The following ANAPC1 variants were observed in gnomAD, a reference collection of about 807,000 sequenced individuals.
ANAPC1 encodes anaphase-promoting complex subunit 1.
A neutral mutation model predicts 208.0 loss-of-function variants in ANAPC1; 36 were observed. The observed-to-expected ratio is 0.17, with a 90% CI of 0.13 to 0.23. The LOEUF (loss-of-function observed/expected upper bound fraction) is 0.23. Ranked by LOEUF, ANAPC1 falls within the 10% of genes least tolerant of loss-of-function variation. ANAPC1 has a pLI of 1.00. For missense variants in ANAPC1, 942 were observed against 2,011.6 expected (o/e 0.47, Z 10.17); for synonymous variants, 378 against 695.2 (o/e 0.54, Z 7.18).
At chr2:111,836,681 T>C (rs1388709085) in intron 18 of ANAPC1, among the ~76,000 whole-genome samples, 1 of 151,464 alleles carries the variant, frequency 6.6e-6, no homozygotes, top group Non-Finnish European at 1.5e-5. Flanking sequence ...AAAATGTATG[T>C]CCACGGGCCC....
intron 28 of ANAPC1, among the ~76,000 whole-genome samples, chr2:111,810,820 T>C (rs1418491422): frequency 3.7e-5 from 5 of 136,248 alleles, no homozygotes; most frequent in African/African-American, 1.4e-4. Flanking sequence ...GAGGTAGAGG[T>C]TGCAGTGAGA....
Position 111,864,893 on chromosome 2 carries a change from G to A in ANAPC1, c.744C>T (p.Phe248=), listed in dbSNP as rs774090073. The part of the protein sequence containing the change: ...YVVDHAMKIV[F]LNTDPSIVMT... The stretch of plus-strand genomic sequence containing the variant: ...TTACAATAGAGGGGTCAGTATTGAG[G>A]AAAACAATTTTCATTGCATGATCTA... Residue 248 remains phenylalanine, a synonymous_variant, in exon 8 of 48, where the codon TTC becomes TTT. Coordinates refer to ENST00000341068, the MANE Select transcript of ANAPC1 (RefSeq NM_022662.4). 4 of 1,611,560 alleles carry A rather than the reference G, an allele frequency of 2.5e-6. No individual in the cohort carries two copies. Among genetic ancestry groups the A allele is most frequent in the Middle Eastern group, 2.3e-4 (1 of 4,430 alleles).
intron 24 of ANAPC1, among the ~76,000 whole-genome samples, chr2:111,823,851 T>C (rs1240962790): frequency 6.6e-6 from 1 of 150,814 alleles, no homozygotes; most frequent in East Asian, 1.9e-4. Context: ...CAAGAACAGA[T>C]ATGTAAGGGC....
chr2:111,779,669 G>C (rs1018965836), intron 44 of ANAPC1: 1 of 139,410 alleles, frequency 7.2e-6, no homozygotes, highest in Non-Finnish European at 1.6e-5. Flanking sequence ...AGACTCCATC[G>C]CTACAAAAAA....
intron 47 of ANAPC1, among the ~76,000 whole-genome samples, chr2:111,770,604 T>G (rs569653369): frequency 6.7e-6 from 1 of 149,446 alleles, no homozygotes; most frequent in Non-Finnish European, 1.5e-5. Context: ...TCTCTTGTAC[T>G]CTTCTCTGTA....
chr2:111,799,256 T>C (rs1200716170), intron 34 of ANAPC1, among the ~76,000 whole-genome samples: 1 of 151,858 alleles, frequency 6.6e-6, no homozygotes, highest in South Asian at 2.1e-4. Context: ...TCAGATATCA[T>C]TACGTATTCA....
chr2:111,821,654 C>T (rs1314379564), intron 25 of ANAPC1: 127 of 515,804 alleles, frequency 2.5e-4, no homozygotes, highest in South Asian at 5.0e-4. Context: ...TATTGCTGGC[C>T]GGGTGTGGTG....
intron 2 of ANAPC1, 116 bp downstream of exon 2, chr2:111,880,497 A>T (rs1310108705): frequency 3.3e-5 from 48 of 1,458,286 alleles, no homozygotes; most frequent in Non-Finnish European, 4.0e-5. Flanking sequence ...CCACACCTTA[A>T]CTCTACTCTA....
Position 111,884,142 on chromosome 2 carries a change from T to A in ANAPC1, c.-225A>T, listed in dbSNP as rs1302514687. On this transcript the variant is annotated 5_prime_UTR_variant, in exon 1 of 48. Transcript: ENST00000341068. ...CTCGAGTGCTAATGGCAGGAAGGCGTGCGAGACGTTCAAATGGACGCGTCC... is the reference window on the plus strand; with the variant it reads ...CTCGAGTGCTAATGGCAGGAAGGCGAGCGAGACGTTCAAATGGACGCGTCC... The A allele has an allele frequency of 1.3e-5, 2 of 152,202 alleles. No individual in the cohort carries two copies. Among genetic ancestry groups the A allele is most frequent in the Non-Finnish European group, 2.9e-5 (2 of 68,046 alleles). 9.4% of individuals were successfully genotyped at this position (152,202 alleles called of 1,614,324 possible).
chr2:111,835,087 A>T (rs1680392344), intron 18 of ANAPC1, among the ~76,000 whole-genome samples: 1 of 151,966 alleles, frequency 6.6e-6, no homozygotes, highest in African/African-American at 2.4e-5. Flanking sequence ...AAAAACCATT[A>T]AAAAAAATAT....
At chr2:111,855,646 A>G (rs1681665021) in intron 13 of ANAPC1, among the ~76,000 whole-genome samples, 1 of 152,208 alleles carries the variant, frequency 6.6e-6, no homozygotes, top group South Asian at 2.1e-4. Context: ...ATTCAAAAAC[A>G]AGGAAAACTA....
chr2:111,833,201 T>G lies in ANAPC1; in HGVS notation c.2476+19A>C. 6.4e-7 allele frequency: 1 copy of G among 1,569,224 alleles called. No individual in the cohort carries two copies. Among genetic ancestry groups the G allele is most frequent in the Non-Finnish European group, 8.7e-7 (1 of 1,151,102 alleles). ...ATCACTACACTGTTTAGAAAATATT[T>G]AAAAGCACGACTACTTACCTGGATC... On this transcript the variant is annotated intron_variant, in intron 20 of 47. Transcript: ENST00000341068.
chr2:111,869,777 T>G (rs1255981218), intron 6 of ANAPC1, among the ~76,000 whole-genome samples: 3 of 152,204 alleles, frequency 2.0e-5, no homozygotes, highest in African/African-American at 7.2e-5. Context: ...CAGAATTATG[T>G]AGTGGTGAAT....
At position 111,858,385 on chromosome 2, in the gene ANAPC1, C is replaced by T. The variant is rs778284606; in HGVS notation, c.1279G>A (p.Ala427Thr). 1.9e-6 allele frequency: 3 copies of T among 1,613,080 alleles called. No individual in the cohort carries two copies. The highest frequency in any genetic ancestry group is 2.5e-6 in the Non-Finnish European group (3 of 1,179,408). The stretch of plus-strand genomic sequence containing the variant: ...TCAGATGTAATAAACACTTTTGAGG[C>T]TTGTGAATTTTTCTCTCTATAATAG... ...ITNIREKNSQ[A>T]SKVFITSDLC... Residue 427 changes from alanine to threonine, a missense_variant, in exon 11 of 48, where the codon GCC becomes ACC. Ala to Thr is a moderately conservative substitution (Grantham distance 58, BLOSUM62 0). Transcript: ENST00000341068.
At chr2:111,810,252 C>T (rs930739399) in intron 28 of ANAPC1, among the ~76,000 whole-genome samples, 1 of 150,866 alleles carries the variant, frequency 6.6e-6, no homozygotes, top group African/African-American at 2.4e-5. Context: ...AAAAGGCAAA[C>T]CCATAGACAC....
rs1273809492 is a variant in ANAPC1 at position 111,880,813 on chromosome 2, A to G, written c.13T>C (p.Tyr5His). 1 of 1,613,872 alleles carries G rather than the reference A, an allele frequency of 6.2e-7. No homozygotes were observed. The highest frequency in any genetic ancestry group is 1.1e-5 in the South Asian group (1 of 91,062). MSNF[Y>H]EERTTMIAAR... ...GCAATCATCGTTGTCCTTTCTTCATAGAAGTTCGACATGGGTTCCAAATAT... is the reference window on the plus strand; with the variant it reads ...GCAATCATCGTTGTCCTTTCTTCATGGAAGTTCGACATGGGTTCCAAATAT... Residue 5 changes from tyrosine (Y) to histidine (H), a missense_variant, in exon 2 of 48, where the codon TAT (tyrosine) becomes CAT (histidine). Transcript: ENST00000341068.
intron 13 of ANAPC1, among the ~76,000 whole-genome samples, chr2:111,854,552 T>C (rs1029525993): frequency 3.3e-5 from 5 of 152,194 alleles, no homozygotes; most frequent in African/African-American, 4.8e-5. Flanking sequence ...AGAAAGCTGT[T>C]TCATCCACAC....
intron 17 of ANAPC1, among the ~76,000 whole-genome samples, chr2:111,841,214 T>C (rs993014304): frequency 6.6e-6 from 1 of 151,936 alleles, no homozygotes; most frequent in East Asian, 1.9e-4. Context: ...TATCCTTCTA[T>C]GCCAGGCAAT....
At chr2:111,857,622 A>G (rs534990937) in intron 11 of ANAPC1, among the ~76,000 whole-genome samples, 2 of 152,244 alleles carry the variant, frequency 1.3e-5, no homozygotes, top group Non-Finnish European at 2.9e-5. Flanking sequence ...TTTGGAAAAC[A>G]GTTTGGTGAT....
Sources: gnomAD v4.1 joint callset for allele counts (sites outside exome capture counted in the v4.1 genomes callset) on GRCh38, gnomAD v4.1.1 for gene constraint, MANE v1.5 for transcripts, NCBI Gene and HGNC (gene_info 2026-07-23, HGNC 2026-07-21) for gene names.